ABCC5: variants seen among roughly 807,000 people sequenced by gnomAD.
ABCC5 encodes the protein ATP-binding cassette sub-family C member 5.
ABCC5 carries 61 observed loss-of-function variants against 160.9 expected under a neutral mutation model. The ratio of observed to expected loss-of-function variants is 0.38; its 90% confidence interval spans 0.31 to 0.47. The LOEUF (loss-of-function observed/expected upper bound fraction) is 0.47, where lower values mean the gene tolerates loss of function less well. Among genes scored for constraint, ABCC5 ranks in the 20% least tolerant of loss-of-function variants. The pLI is 0.99. For missense variants in ABCC5, 1,308 were observed against 1,813.3 expected, an observed-to-expected ratio of 0.72 and a Z score of 5.06; for synonymous variants, 666 against 700.6, an observed-to-expected ratio of 0.95 and a Z score of 0.78.
chr3:183,989,418 A>G (rs1719536743), intron 2 of ABCC5, 35 bp from the exon 3 acceptor site: 1 of 1,611,160 alleles, frequency 6.2e-7, no homozygotes, highest in South Asian at 1.1e-5. Context: ...GCAAGAGCAC[A>G]GTTAATACAC....
chr3:183,950,791 C>T (rs962803577), intron 20 of ABCC5, among the ~76,000 whole-genome samples: 1 of 152,168 alleles, frequency 6.6e-6, no homozygotes, highest in Non-Finnish European at 1.5e-5. Flanking sequence ...TTACAATGGC[C>T]TATCAATGCC....
intron 1 of ABCC5, among the ~76,000 whole-genome samples, chr3:184,016,529 A>T (rs551728776): frequency 9.2e-5 from 14 of 152,250 alleles, no homozygotes; most frequent in Admixed American, 1.3e-4. Context: ...CAAGCAAGCA[A>T]GGATGGATCC....
intron 2 of ABCC5, among the ~76,000 whole-genome samples, chr3:183,994,415 G>A (rs893769005): frequency 6.0e-5 from 9 of 150,818 alleles, no homozygotes; most frequent in African/African-American, 1.2e-4. Flanking sequence ...TTGATCTGTC[G>A]CCCAGACTGG....
intron 9 of ABCC5, 133 bp from the exon 10 acceptor site, chr3:183,977,757 A>C: frequency 4.1e-6 from 2 of 490,440 alleles, no homozygotes; most frequent in Non-Finnish European, 3.5e-6. Context: ...AGTCAATTAC[A>C]TTTTTTTTTT....
At chr3:183,992,792 AAAAAAAT>A (rs1176693987) in intron 2 of ABCC5, among the ~76,000 whole-genome samples, 4 of 152,164 alleles carry the variant, frequency 2.6e-5, no homozygotes, top group African/African-American at 4.8e-5. Flanking sequence ...CCGTCTCAAA[AAAAAAAT>A]AAAAAATAAA....
chr3:183,929,558 T>C (rs990672552), intron 26 of ABCC5, among the ~76,000 whole-genome samples: 78 of 152,276 alleles, frequency 5.1e-4, no homozygotes, highest in Middle Eastern at 3.4e-3. Context: ...CCAGGACAGC[T>C]GGCCTGACCA....
At chr3:183,998,950 C>T (rs1030356234) in intron 2 of ABCC5, among the ~76,000 whole-genome samples, 8 of 151,940 alleles carry the variant, frequency 5.3e-5, no homozygotes, top group African/African-American at 1.9e-4. Context: ...ATTAGGCGGG[C>T]ATGGTGGCAC....
intron 2 of ABCC5, chr3:184,010,105 A>G: frequency 1.5e-5 from 4 of 275,470 alleles, no homozygotes; most frequent in Non-Finnish European, 2.2e-5. Context: ...TCAGGAGTTC[A>G]AGACCAGCCT....
At chr3:183,955,509 G>C (rs1011165388) in intron 17 of ABCC5, among the ~76,000 whole-genome samples, 1 of 152,232 alleles carries the variant, frequency 6.6e-6, no homozygotes, top group Non-Finnish European at 1.5e-5. Flanking sequence ...TATTCAGTTA[G>C]TTGCAGGGCA....
At chr3:183,965,060 G>C in intron 14 of ABCC5, 125 bp downstream of exon 14, 1 of 893,572 alleles carries the variant, frequency 1.1e-6, no homozygotes, top group African/African-American at 1.7e-5. Context: ...TAACACAAAG[G>C]CCTAATGACA....
intron 2 of ABCC5, among the ~76,000 whole-genome samples, chr3:183,993,559 C>G (rs771450961): frequency 6.6e-6 from 1 of 151,338 alleles, no homozygotes; most frequent in African/African-American, 2.4e-5. Flanking sequence ...TTTAATTGAG[C>G]CTTTTATCTC....
intron 24 of ABCC5, 96 bp from the exon 25 acceptor site, chr3:183,943,012 G>C: frequency 7.6e-7 from 1 of 1,312,122 alleles, no homozygotes; most frequent in Non-Finnish European, 1.0e-6. Context: ...AACCATAGTA[G>C]CCACACAGAG....
chr3:183,978,513 G>A lies in ABCC5; in HGVS notation c.1286C>T (p.Thr429Ile). 6.2e-7 allele frequency: 1 copy of A among 1,613,876 alleles called. No individual in the cohort carries two copies. Among genetic ancestry groups the A allele is most frequent in the Middle Eastern group, 1.7e-4 (1 of 5,982 alleles). ...TGAGGGTTCCCTGACCTGTGCTGCT[G>A]TCAGATCGAAGCCCAGGGTCATATG... ...SVHMTLGFDL[T>I]AAQAFTVVTV... Residue 429 changes from threonine to isoleucine, a missense_variant, in exon 9 of 30, where the codon ACA becomes ATA. By Grantham distance (89) the Thr-to-Ile change is moderately conservative. Around this residue, in one of 3 missense-constraint regions of ABCC5, gnomAD observed 1,142 missense variants for 1,527.1 expected, o/e 0.75. Coordinates refer to ENST00000334444, the MANE Select transcript of ABCC5 (RefSeq NM_005688.4).
rs758835113 is a variant in ABCC5 at position 183,965,188 on chromosome 3, C to T, written c.2028G>A (p.Thr676=). ...DLAILPSSDL[T]EIGERGANLS... is the part of the protein sequence containing the mutation. The stretch of plus-strand genomic sequence containing the variant: ...GTCAGGGGCGGAAGGCCTGTACCTC[C>T]GTCAGGTCGCTGCTGGGAAGAATGG... The change falls in exon 14 of 30, where the codon ACG becomes ACA. Residue 676 remains threonine, a synonymous_variant. Transcript: ENST00000334444. 5.0e-5 allele frequency: 80 copies of T among 1,613,968 alleles called. No individual in the cohort carries two copies. Among genetic ancestry groups the T allele is most frequent in the Non-Finnish European group, 6.0e-5 (71 of 1,179,986 alleles).
chr3:183,936,970 G>C (rs764983741), intron 26 of ABCC5, among the ~76,000 whole-genome samples: 5 of 152,216 alleles, frequency 3.3e-5, no homozygotes, highest in Non-Finnish European at 5.9e-5. Context: ...TTTTATCTCT[G>C]GCAACCTGGC....
chr3:183,987,129 T>C lies in ABCC5; in HGVS notation c.591+641A>G, dbSNP rs1719290689. 1 of 160,592 alleles carries C rather than the reference T, an allele frequency of 6.2e-6. No individual in the cohort carries two copies. Among genetic ancestry groups the C allele is most frequent in the African/African-American group, 2.4e-5 (1 of 41,542 alleles). The allele number at this position is 160,592 out of a possible 1,614,324, so 9.9% of individuals were successfully genotyped here. A position where few individuals can be genotyped will look rare whatever the true frequency, so the allele number is the denominator to read the frequency against. ...ATAGATTTAATCAAGGTCTCAAGTG[T>C]AAGGCAGCACAGCAGGTGTAAGAAA... On this transcript the variant is annotated intron_variant, in intron 5 of 29. Coordinates refer to ENST00000334444, the MANE Select transcript of ABCC5 (RefSeq NM_005688.4). This position sits in a 1 kb window ranked among gnomAD's most constrained non-coding sequence, Gnocchi z 4.2.
intron 17 of ABCC5, among the ~76,000 whole-genome samples, chr3:183,954,582 A>C (rs915353548): frequency 1.3e-5 from 2 of 152,176 alleles, no homozygotes; most frequent in Non-Finnish European, 2.9e-5. Context: ...GAGTTTCGGG[A>C]GGTAAATTCA....
chr3:183,941,080 G>C (rs1197497920), intron 25 of ABCC5, among the ~76,000 whole-genome samples: 1 of 152,166 alleles, frequency 6.6e-6, no homozygotes, highest in Non-Finnish European at 1.5e-5. Flanking sequence ...GGCTGGTCTT[G>C]AACTCCTGAC....
chr3:183,947,734 T>C (rs1553915045), intron 22 of ABCC5, among the ~76,000 whole-genome samples: 1 of 151,674 alleles, frequency 6.6e-6, no homozygotes, highest in Non-Finnish European at 1.5e-5. Flanking sequence ...AGTTACTCTT[T>C]AAAAACAAAA....
Sources: gnomAD v4.1 joint callset for allele counts (sites outside exome capture counted in the v4.1 genomes callset) on GRCh38, gnomAD v4.1.1 for gene constraint, gnomAD v4.1.1 regional missense constraint, Gnocchi (gnomAD v3.1) non-coding constraint, MANE v1.5 for transcripts, NCBI Gene and HGNC (gene_info 2026-07-23, HGNC 2026-07-21) for gene names.